Variants in NKAIN3 observed in about 807,000 individuals in gnomAD.
The protein encoded by NKAIN3 is sodium/potassium-transporting ATPase subunit beta-1-interacting protein 3.
Under a neutral mutation model 30.2 loss-of-function variants are expected in NKAIN3, and 25 were observed. The observed-to-expected ratio is 0.83, with a 90% CI of 0.60 to 1.16. The LOEUF (loss-of-function observed/expected upper bound fraction) is 1.16. Ranked by LOEUF, NKAIN3 falls within the 50% of genes most tolerant of loss-of-function variation. The probability of loss-of-function intolerance (pLI) is 0.00; values close to 1 mark genes in which losing one functional copy is unlikely to be tolerated. For synonymous variants in NKAIN3, 91 were observed against 89.6 expected, an observed-to-expected ratio of 1.02 and a Z score of -0.09; for missense variants, 225 against 254.1, an observed-to-expected ratio of 0.89 and a Z score of 0.78.
chr8:62,897,315 A>G (rs1821458013), intron 4 of NKAIN3, among the ~76,000 whole-genome samples: 1 of 152,338 alleles, frequency 6.6e-6, no homozygotes, highest in East Asian at 1.9e-4. Context: ...GGACTTTCAT[A>G]GAATCAAAGA....
At chr8:62,612,856 A>G (rs1224380630) in intron 3 of NKAIN3, among the ~76,000 whole-genome samples, 1 of 152,056 alleles carries the variant, frequency 6.6e-6, no homozygotes, top group Non-Finnish European at 1.5e-5. Context: ...TAACAACTTA[A>G]TACTATTTGC....
intron 1 of NKAIN3, among the ~76,000 whole-genome samples, chr8:62,312,987 C>A (rs1359178702): frequency 6.6e-6 from 1 of 151,712 alleles, no homozygotes; most frequent in Non-Finnish European, 1.5e-5. Context: ...CTACAGTTTT[C>A]AGGAGAGAAT....
At chr8:62,856,265 T>C in intron 4 of NKAIN3, 1 of 902,922 alleles carries the variant, frequency 1.1e-6, no homozygotes, top group Non-Finnish European at 1.9e-6. Context: ...TGGAGAAGGC[T>C]TGAGAGCCCT....
intron 1 of NKAIN3, among the ~76,000 whole-genome samples, chr8:62,509,461 T>C (rs1055054938): frequency 6.6e-6 from 1 of 152,124 alleles, no homozygotes; most frequent in Non-Finnish European, 1.5e-5. Context: ...TTACTGTCAA[T>C]GGTGCATGTC....
chr8:62,579,493 A>G, intron 1 of NKAIN3, 46 bp from the exon 2 acceptor site: 1 of 1,491,628 alleles, frequency 6.7e-7, no homozygotes, highest in African/African-American at 1.4e-5. Context: ...AAATAGTATG[A>G]TGATGCTTGG....
At chr8:62,510,369 C>T (rs1807781179) in intron 1 of NKAIN3, among the ~76,000 whole-genome samples, 1 of 152,130 alleles carries the variant, frequency 6.6e-6, no homozygotes, top group Non-Finnish European at 1.5e-5. Flanking sequence ...ATTCTTTGTT[C>T]AGGGCCAGCT....
chr8:62,379,765 A>G (rs1040003363), intron 1 of NKAIN3, among the ~76,000 whole-genome samples: 3 of 152,208 alleles, frequency 2.0e-5, no homozygotes, highest in African/African-American at 7.2e-5. Context: ...GTATTTCTTC[A>G]TAGCAGCATG....
chr8:62,737,982 G>T (rs890147776), intron 3 of NKAIN3, among the ~76,000 whole-genome samples: 3 of 152,142 alleles, frequency 2.0e-5, no homozygotes. Context: ...ACATATGTGT[G>T]CATGTGTCTT....
chr8:62,329,802 C>T (rs1402131590), intron 1 of NKAIN3, among the ~76,000 whole-genome samples: 3 of 152,068 alleles, frequency 2.0e-5, no homozygotes, highest in Non-Finnish European at 2.9e-5. Flanking sequence ...AGTGAACATA[C>T]AGGTGCCTGT....
Position 62,854,806 on chromosome 8 carries a change from C to T in NKAIN3, c.472-63647C>T, listed in dbSNP as rs544137863. Among the ~76,000 whole-genome samples, 3 of 152,236 alleles carry T rather than the reference C, an allele frequency of 2.0e-5. No homozygotes were observed. The South Asian group carries it at 6.2e-4, about 32-fold the overall frequency. On this transcript the variant is annotated intron_variant, in intron 4 of 6. Coordinates refer to ENST00000623646, the MANE Select transcript of NKAIN3 (RefSeq NM_001304533.3). Reference sequence around the variant, plus strand: ...CTTCATAGTGTCACTAGTCTGTGCACTTCCATATGTTTTTGTAATGGCTGG... The same window carrying T: ...CTTCATAGTGTCACTAGTCTGTGCATTTCCATATGTTTTTGTAATGGCTGG...
chr8:62,857,522 T>C (rs1356577478), intron 4 of NKAIN3, among the ~76,000 whole-genome samples: 2 of 152,216 alleles, frequency 1.3e-5, no homozygotes, highest in Non-Finnish European at 2.9e-5. Flanking sequence ...AATCACATAG[T>C]TCTTGGAGGT....
At chr8:62,888,807 A>G (rs539603003) in intron 4 of NKAIN3, among the ~76,000 whole-genome samples, 19 of 152,260 alleles carry the variant, frequency 1.2e-4, no homozygotes, top group South Asian at 1.0e-3. Flanking sequence ...AACAATTTTT[A>G]GTTGTCTTGC....
intron 5 of NKAIN3, among the ~76,000 whole-genome samples, chr8:62,919,357 G>A (rs1264134918): frequency 7.1e-6 from 1 of 140,078 alleles, no homozygotes; most frequent in East Asian, 2.2e-4. Flanking sequence ...CCATTCTCCT[G>A]CCTCAGCCTC....
At chr8:62,950,402 T>G (rs1345192350) in intron 5 of NKAIN3, among the ~76,000 whole-genome samples, 1 of 152,204 alleles carries the variant, frequency 6.6e-6, no homozygotes, top group African/African-American at 2.4e-5. Flanking sequence ...AAAGACTCAT[T>G]GCTCTATCCC....
chr8:62,366,372 A>G (rs4738958), intron 1 of NKAIN3, among the ~76,000 whole-genome samples: 146,822 of 151,908 alleles, frequency 0.97, 70,996 homozygotes, highest in East Asian at 1. Flanking sequence ...GATTACAGGC[A>G]TGCACCACTG....
intron 3 of NKAIN3, among the ~76,000 whole-genome samples, chr8:62,667,357 ATCTG>A (rs759119760): frequency 2.1e-5 from 2 of 93,976 alleles, no homozygotes; most frequent in African/African-American, 8.8e-5. Flanking sequence ...TTATATATAT[ATCTG>A]TATATATATA....
intron 4 of NKAIN3, among the ~76,000 whole-genome samples, chr8:62,764,018 T>G (rs1461824438): frequency 6.6e-6 from 1 of 152,220 alleles, no homozygotes; most frequent in Non-Finnish European, 1.5e-5. Context: ...CTGGCATGTC[T>G]CTGGTTAGGG....
intron 1 of NKAIN3, among the ~76,000 whole-genome samples, chr8:62,500,380 AT>A (rs1362842076): frequency 6.6e-6 from 1 of 151,628 alleles, no homozygotes; most frequent in Non-Finnish European, 1.5e-5. Context: ...ACTAAGAAAA[AT>A]ATAGAACTTT....
chr8:62,357,845 TAA>T (rs1382888929), intron 1 of NKAIN3, among the ~76,000 whole-genome samples: 2 of 152,208 alleles, frequency 1.3e-5, no homozygotes, highest in Non-Finnish European at 2.9e-5. Flanking sequence ...AAAATTGTAG[TAA>T]GTTGTAATAT....
Sources: allele counts gnomAD v4.1 joint callset (sites outside exome capture counted in the v4.1 genomes callset), GRCh38; gene constraint gnomAD v4.1.1; transcripts MANE v1.5; gene names NCBI Gene and HGNC (gene_info 2026-07-23, HGNC 2026-07-21).